The following GLIS3 variants were observed in gnomAD, a reference collection of about 807,000 sequenced individuals.
The protein encoded by GLIS3 is GLIS family zinc finger 3, also known as zinc finger protein GLIS3.
Under a neutral mutation model 78.6 loss-of-function variants are expected in GLIS3, and 53 were observed. That is an observed-to-expected ratio of 0.67 (90% CI 0.54 to 0.85). The LOEUF (loss-of-function observed/expected upper bound fraction) is 0.85. Among genes scored for constraint, GLIS3 ranks in the 40% least tolerant of loss-of-function variants. The pLI, the probability that GLIS3 is intolerant of heterozygous loss-of-function variation, is 0.00. For missense variants in GLIS3, 1,703 were observed against 1,231.1 expected (o/e 1.38, Z -5.74); for synonymous variants, 684 against 509.9 (o/e 1.34, Z -4.60).
At chr9:4,287,611 G>C (rs1311037124) in intron 1 of GLIS3, among the ~76,000 whole-genome samples, 1 of 152,158 alleles carries the variant, frequency 6.6e-6, no homozygotes, top group African/African-American at 2.4e-5. Context: ...CAGGAAATAA[G>C]GACTGAGTAC....
At chr9:4,225,609 G>T (rs995656096) in intron 2 of GLIS3, among the ~76,000 whole-genome samples, 4 of 152,120 alleles carry the variant, frequency 2.6e-5, no homozygotes, top group Non-Finnish European at 5.9e-5. Flanking sequence ...TTTAGACAAG[G>T]CAGGCTAAAG....
intron 2 of GLIS3, among the ~76,000 whole-genome samples, chr9:4,247,760 TAA>T (rs1823934311): frequency 1.4e-5 from 2 of 144,328 alleles, no homozygotes; most frequent in Non-Finnish European, 2.9e-5. Context: ...ACCGAAAAAC[TAA>T]ATTAAGAGAA....
chr9:3,941,028 G>A (rs1815862359), intron 4 of GLIS3, among the ~76,000 whole-genome samples: 1 of 152,158 alleles, frequency 6.6e-6, no homozygotes, highest in Non-Finnish European at 1.5e-5. Flanking sequence ...CCCAGAATCA[G>A]AATGCTGGGA....
chr9:4,409,053 A>G, the GLIS3 span, among the ~76,000 whole-genome samples: 198 of 152,284 alleles, frequency 1.3e-3, no homozygotes, highest in African/African-American at 4.6e-3. Context: ...AAATTGGAAA[A>G]GAAAAAAACA....
chr9:4,255,068 C>T (rs568971528), intron 2 of GLIS3, among the ~76,000 whole-genome samples: 1 of 152,298 alleles, frequency 6.6e-6, no homozygotes, highest in South Asian at 2.1e-4. Context: ...CCTTAGCAGA[C>T]ATTTCACCAG....
At chr9:3,830,683 C>T (rs1817995129) in intron 9 of GLIS3, among the ~76,000 whole-genome samples, 1 of 152,188 alleles carries the variant, frequency 6.6e-6, no homozygotes, top group Non-Finnish European at 1.5e-5. Flanking sequence ...GCAGAACAAA[C>T]CCATGGACTT....
the GLIS3 span, among the ~76,000 whole-genome samples, chr9:4,423,828 T>C: frequency 6.6e-6 from 1 of 152,144 alleles, no homozygotes; most frequent in Admixed American, 6.6e-5. Context: ...CACAAACACA[T>C]ACTTATAATG....
Position 4,137,208 on chromosome 9 carries a change from A to C in GLIS3, c.389-11267T>G, listed in dbSNP as rs1172160795. On this transcript the variant is annotated intron_variant, in intron 2 of 10. Coordinates refer to ENST00000381971, the MANE Select transcript of GLIS3 (RefSeq NM_001042413.2). The stretch of plus-strand genomic sequence containing the variant: ...CACATTTAAATGGGAGAGGGGGGCC[A>C]TATAATGTCTATTTGGTGACTTCAT... 4.6e-5 allele frequency among the ~76,000 whole-genome samples: 7 copies of C among 152,328 alleles called. No individual in the cohort carries two copies. The East Asian group carries it at 1.2e-3, about 25-fold the overall frequency.
the GLIS3 span, among the ~76,000 whole-genome samples, chr9:4,399,864 A>C: frequency 6.6e-6 from 1 of 152,184 alleles, no homozygotes; most frequent in African/African-American, 2.4e-5. Context: ...GACCTGAAGG[A>C]AAAGATGGAG....
chr9:4,388,294 A>C, the GLIS3 span, among the ~76,000 whole-genome samples: 2 of 152,158 alleles, frequency 1.3e-5, no homozygotes, highest in Non-Finnish European at 2.9e-5. Context: ...TTAATCTGTG[A>C]ACTCGGGAAA....
At chr9:4,243,289 G>C (rs1823490471) in intron 2 of GLIS3, among the ~76,000 whole-genome samples, 1 of 152,188 alleles carries the variant, frequency 6.6e-6, no homozygotes, top group South Asian at 2.1e-4. Flanking sequence ...GAAAGGATCA[G>C]TCAGAGTGAT....
intron 4 of GLIS3, among the ~76,000 whole-genome samples, chr9:3,960,885 A>G (rs117267898): frequency 1.8e-3 from 271 of 152,286 alleles, no homozygotes; most frequent in Non-Finnish European, 3.1e-3. Context: ...ACCAAATTCA[A>G]TTGATTGAAA....
At chr9:4,248,916 C>G (rs1471440010) in intron 2 of GLIS3, among the ~76,000 whole-genome samples, 1 of 152,104 alleles carries the variant, frequency 6.6e-6, no homozygotes, top group Non-Finnish European at 1.5e-5. Context: ...TATACTTCAA[C>G]CACTTTTAGA....
At chr9:4,303,655 T>C (rs1057291252), upstream of GLIS3, among the ~76,000 whole-genome samples, 3 of 151,658 alleles carry the variant, frequency 2.0e-5, no homozygotes, top group African/African-American at 7.3e-5. Context: ...TCAGACCAAA[T>C]GCAACTGACC....
intron 2 of GLIS3, among the ~76,000 whole-genome samples, chr9:4,172,543 T>C (rs1373478283): frequency 6.6e-6 from 1 of 152,202 alleles, no homozygotes; most frequent in African/African-American, 2.4e-5. Flanking sequence ...ATACTAACTA[T>C]AGACAGTTAT....
chr9:4,332,796 C>A (rs986188906), intron 2 of GLIS3, among the ~76,000 whole-genome samples: 3 of 152,180 alleles, frequency 2.0e-5, no homozygotes, highest in Non-Finnish European at 2.9e-5. Context: ...CTCTACACAT[C>A]TATTCAGTAA....
intron 2 of GLIS3, among the ~76,000 whole-genome samples, chr9:4,335,501 G>T (rs976168655): frequency 6.6e-6 from 1 of 152,104 alleles, no homozygotes; most frequent in Non-Finnish European, 1.5e-5. Flanking sequence ...TCTGCTCCAC[G>T]TGCTTTCCTG....
the GLIS3 span, among the ~76,000 whole-genome samples, chr9:4,442,466 C>T: frequency 6.6e-6 from 1 of 152,078 alleles, no homozygotes. Context: ...AGTTTACCAC[C>T]CTGAGTATTC....
chr9:4,150,140 A>G lies in GLIS3; in HGVS notation c.389-24199T>C, dbSNP rs531277846. ...AGCTTCCCCAGAGAAGCAACCTCCC[A>G]TACAGACCCAAAGCTTTTATAGGGC... On this transcript the variant is annotated intron_variant, in intron 2 of 10. Transcript: ENST00000381971. Among the ~76,000 whole-genome samples, 7 of 152,342 alleles carry G rather than the reference A, an allele frequency of 4.6e-5. No homozygotes were observed. In the East Asian group the frequency reaches 1.2e-3, roughly 25 times the overall value.
Sources: gnomAD v4.1 joint callset for allele counts (sites outside exome capture counted in the v4.1 genomes callset) on GRCh38, gnomAD v4.1.1 for gene constraint, MANE v1.5 for transcripts, NCBI Gene and HGNC (gene_info 2026-07-23, HGNC 2026-07-21) for gene names.